Variants in C12orf56 observed in about 807,000 individuals in gnomAD.
The protein encoded by C12orf56 is uncharacterized protein C12orf56.
Under a neutral mutation model 69.9 loss-of-function variants are expected in C12orf56, and 71 were observed. The observed-to-expected ratio is 1.02, with a 90% CI of 0.84 to 1.24. The LOEUF (loss-of-function observed/expected upper bound fraction) is 1.24, where lower values mean the gene tolerates loss of function less well. C12orf56 is among the 50% of genes most tolerant of loss of function. C12orf56 has a pLI of 0.00. For synonymous variants in C12orf56, 276 were observed against 274.1 expected (o/e 1.01, Z -0.07); for missense variants, 732 against 738.5 (o/e 0.99, Z 0.10).
chr12:64,321,346 C>T (rs1023918147), intron 3 of C12orf56, among the ~76,000 whole-genome samples: 3 of 152,086 alleles, frequency 2.0e-5, no homozygotes, highest in Non-Finnish European at 2.9e-5. Context: ...TGGAAAACTA[C>T]TTTGTTTTGT....
intron 1 of C12orf56, among the ~76,000 whole-genome samples, chr12:64,379,232 T>C (rs2039679659): frequency 6.6e-6 from 1 of 152,108 alleles, no homozygotes; most frequent in African/African-American, 2.4e-5. Flanking sequence ...TAGTAGTGAA[T>C]CAAATTGACA....
intron 1 of C12orf56, among the ~76,000 whole-genome samples, chr12:64,373,305 A>T (rs1415063946): frequency 1.3e-5 from 2 of 152,100 alleles, no homozygotes; most frequent in Non-Finnish European, 2.9e-5. Context: ...AAATATGAAA[A>T]ATTAGCTGGG....
At chr12:64,277,204 T>G (rs529851281) in intron 9 of C12orf56, among the ~76,000 whole-genome samples, 4 of 152,176 alleles carry the variant, frequency 2.6e-5, no homozygotes, top group African/African-American at 9.6e-5. Flanking sequence ...AATGTCTTGG[T>G]ACAACCTTAG....
In C12orf56 at chr12:64,389,907, C is replaced by T. The variant is rs908885979; in HGVS notation, c.252+407G>A. ...CAGCATTTATTTGCACGGGTGTTGG[C>T]TTTCTAGCCCTCCAGCGACTGCTTC... On this transcript the variant is annotated intron_variant, in intron 1 of 12. Coordinates refer to ENST00000543942, the MANE Select transcript of C12orf56 (RefSeq NM_001170633.2). Among the ~76,000 whole-genome samples the T allele has an allele frequency of 6.6e-5, 10 of 152,284 alleles. No individual in the cohort carries two copies. In the South Asian group the frequency reaches 1.9e-3, roughly 28 times the overall value.
At chr12:64,317,653 A>C (rs2038706495) in intron 4 of C12orf56, among the ~76,000 whole-genome samples, 1 of 152,086 alleles carries the variant, frequency 6.6e-6, no homozygotes, top group Non-Finnish European at 1.5e-5. Context: ...CCAGCTACTC[A>C]GGAGGCTGAG....
chr12:64,326,605 C>T (rs1467076206), intron 3 of C12orf56, among the ~76,000 whole-genome samples: 2 of 151,998 alleles, frequency 1.3e-5, no homozygotes, highest in South Asian at 2.1e-4. Context: ...GGTGTGGTGG[C>T]GGGTACCTGC....
Position 64,366,907 on chromosome 12 carries a change from T to C in C12orf56, c.253-13851A>G, listed in dbSNP as rs1385121548. Among the ~76,000 whole-genome samples the C allele has an allele frequency of 3.1e-5, 4 of 129,978 alleles. No homozygotes were observed. The East Asian group carries it at 8.7e-4, about 28-fold the overall frequency. The allele number at this position is 129,978 out of a possible 152,430, so 85.3% of individuals were successfully genotyped here. A position where few individuals can be genotyped will look rare whatever the true frequency, so the allele number is the denominator to read the frequency against. Reference sequence around the variant, plus strand: ...TATTATATAACATACAGTTTATATATTATATATAACACAGTTTATATATTA... The same window carrying C: ...TATTATATAACATACAGTTTATATACTATATATAACACAGTTTATATATTA... On this transcript the variant is annotated intron_variant, in intron 1 of 12. Coordinates refer to ENST00000543942, the MANE Select transcript of C12orf56 (RefSeq NM_001170633.2).
At chr12:64,280,028 A>G (rs1178118107) in intron 8 of C12orf56, among the ~76,000 whole-genome samples, 2 of 152,190 alleles carry the variant, frequency 1.3e-5, no homozygotes, top group African/African-American at 4.8e-5. Flanking sequence ...ATTCAACCCT[A>G]ACAATACTAG....
chr12:64,353,093 T>C, intron 1 of C12orf56, 37 bp from the exon 2 acceptor site: 1 of 1,582,728 alleles, frequency 6.3e-7, no homozygotes, highest in Non-Finnish European at 8.6e-7. Flanking sequence ...TGAAGACAAA[T>C]ACAACTGCTT....
At chr12:64,389,798 T>C (rs2039843579) in intron 1 of C12orf56, among the ~76,000 whole-genome samples, 1 of 152,150 alleles carries the variant, frequency 6.6e-6, no homozygotes, top group Non-Finnish European at 1.5e-5. Flanking sequence ...CACCCGGCCT[T>C]ATGCATTTAT....
intron 1 of C12orf56, among the ~76,000 whole-genome samples, chr12:64,384,735 G>A (rs1246964517): frequency 2.0e-5 from 3 of 152,154 alleles, no homozygotes; most frequent in African/African-American, 7.2e-5. Context: ...TTCATAGACT[G>A]CTCTGCGTAT....
rs766293192 is a variant in C12orf56, at chr12:64,270,735, TA to T, written c.1585-22del. 4.4e-6 allele frequency: 7 copies of T among 1,583,804 alleles called. No homozygotes were observed. In the East Asian group the frequency reaches 1.6e-4, roughly 35 times the overall value. ...GTAATCTAGACAAGGAAAATACAGT[TA>T]CATGTAGGCTGTGTGCCACCCACAA... On this transcript the variant is annotated intron_variant, in intron 11 of 12. Coordinates refer to ENST00000543942, the MANE Select transcript of C12orf56 (RefSeq NM_001170633.2).
intron 2 of C12orf56, among the ~76,000 whole-genome samples, chr12:64,341,744 G>T (rs563106908): frequency 5.3e-5 from 8 of 152,274 alleles, no homozygotes; most frequent in East Asian, 1.9e-4. Context: ...TGATGGAAAA[G>T]GCCTAATATA....
chr12:64,387,077 CAAAAAAAAAAAAAAAAA>C (rs869290282), intron 1 of C12orf56, among the ~76,000 whole-genome samples: 20 of 42,086 alleles, frequency 4.8e-4, no homozygotes, highest in Admixed American at 2.3e-3. Context: ...GACTCTATCT[CAAAAAAAAAAAAAAAAA>C]AAAAAAAAAA....
Position 64,284,656 on chromosome 12 carries a change from G to A in C12orf56, c.1310+8C>T, listed in dbSNP as rs1256996826. 6.3e-7 allele frequency: 1 copy of A among 1,598,754 alleles called. No individual in the cohort carries two copies. The highest frequency in any genetic ancestry group is 1.3e-5 in the African/African-American group (1 of 74,296). On this transcript the variant is annotated splice_region_variant and intron_variant, in intron 8 of 12. Coordinates refer to ENST00000543942, the MANE Select transcript of C12orf56 (RefSeq NM_001170633.2). ...TACAAGGTCCCAATGTCTTCTAAAAGACCTTACTTCTTAGCTGCCAATGTG... is the reference window on the plus strand; with the variant it reads ...TACAAGGTCCCAATGTCTTCTAAAAAACCTTACTTCTTAGCTGCCAATGTG...
intron 4 of C12orf56, among the ~76,000 whole-genome samples, chr12:64,314,188 C>T (rs1035205196): frequency 1.3e-5 from 2 of 151,802 alleles, no homozygotes; most frequent in Non-Finnish European, 2.9e-5. Flanking sequence ...TGAGCTCAAG[C>T]AGTCCTCCTG....
chr12:64,354,713 C>T (rs938580295), intron 1 of C12orf56, among the ~76,000 whole-genome samples: 16 of 150,264 alleles, frequency 1.1e-4, no homozygotes, highest in East Asian at 4.1e-4. Context: ...GTGATCCATC[C>T]GCCTCAGCCT....
chr12:64,336,539 C>G (rs1036079641), intron 2 of C12orf56, among the ~76,000 whole-genome samples: 3 of 152,018 alleles, frequency 2.0e-5, no homozygotes, highest in Non-Finnish European at 2.9e-5. Context: ...TTAAGGCAAC[C>G]AACACCAATT....
At chr12:64,327,086 C>T (rs2038855435) in intron 3 of C12orf56, among the ~76,000 whole-genome samples, 1 of 152,254 alleles carries the variant, frequency 6.6e-6, no homozygotes, top group South Asian at 2.1e-4. Flanking sequence ...TGATGTCCTG[C>T]ACAGCCTAGG....
Sources: gnomAD v4.1 joint callset for allele counts (sites outside exome capture counted in the v4.1 genomes callset) on GRCh38, gnomAD v4.1.1 for gene constraint, MANE v1.5 for transcripts, NCBI Gene and HGNC (gene_info 2026-07-23, HGNC 2026-07-21) for gene names.